The following ADAM12 variants were observed in gnomAD, a reference collection of about 807,000 sequenced individuals.
ADAM12 encodes ADAM metallopeptidase domain 12, also known as disintegrin and metalloproteinase domain-containing protein 12.
In ADAM12, 70 loss-of-function variants were observed where a neutral mutation model predicts 106.4. The ratio of observed to expected loss-of-function variants is 0.66; its 90% confidence interval spans 0.54 to 0.80. ADAM12 has a LOEUF of 0.80. Ranked by LOEUF, ADAM12 falls within the 30% of genes least tolerant of loss-of-function variation. The pLI is 0.00. For missense variants in ADAM12, 1,010 were observed against 1,171.9 expected, an observed-to-expected ratio of 0.86 and a Z score of 2.02; for synonymous variants, 420 against 433.5, an observed-to-expected ratio of 0.97 and a Z score of 0.39.
At chr10:126,216,410 A>G (rs995106599) in intron 3 of ADAM12, among the ~76,000 whole-genome samples, 1 of 152,236 alleles carries the variant, frequency 6.6e-6, no homozygotes, top group African/African-American at 2.4e-5. Context: ...CAGCCTGCTG[A>G]GGCTTGGCCA....
chr10:126,237,098 T>C (rs1958433629), intron 3 of ADAM12, among the ~76,000 whole-genome samples: 1 of 152,198 alleles, frequency 6.6e-6, no homozygotes, highest in Admixed American at 6.5e-5. Context: ...TCTACGTTAA[T>C]TAACATGTTT....
intron 21 of ADAM12, among the ~76,000 whole-genome samples, chr10:126,022,099 G>A (rs539780124): frequency 6.6e-6 from 1 of 152,310 alleles, no homozygotes; most frequent in African/African-American, 2.4e-5. Flanking sequence ...TGGAGAAAAA[G>A]TGAGGTATGT....
At chr10:126,233,696 C>T (rs1475227395) in intron 3 of ADAM12, among the ~76,000 whole-genome samples, 3 of 152,076 alleles carry the variant, frequency 2.0e-5, no homozygotes, top group Admixed American at 6.5e-5. Flanking sequence ...GAGTGCTCTG[C>T]AATTACTGGA....
chr10:126,319,613 T>C (rs546507514), intron 2 of ADAM12, among the ~76,000 whole-genome samples: 1 of 152,210 alleles, frequency 6.6e-6, no homozygotes, highest in South Asian at 2.1e-4. Context: ...GACACGACAC[T>C]GAACACGATA....
intron 11 of ADAM12, among the ~76,000 whole-genome samples, chr10:126,072,940 G>A (rs1436376861): frequency 6.6e-6 from 1 of 152,174 alleles, no homozygotes; most frequent in Non-Finnish European, 1.5e-5. Context: ...TAGACCAGCG[G>A]CCACTTAATG....
At chr10:126,309,378 G>C (rs1397273556) in intron 2 of ADAM12, among the ~76,000 whole-genome samples, 1 of 152,220 alleles carries the variant, frequency 6.6e-6, no homozygotes, top group Non-Finnish European at 1.5e-5. Context: ...CACTTGTTGA[G>C]TCACTGGAGT....
chr10:126,262,663 A>C (rs1213920229), intron 3 of ADAM12, among the ~76,000 whole-genome samples: 1 of 152,236 alleles, frequency 6.6e-6, no homozygotes, highest in Non-Finnish European at 1.5e-5. Flanking sequence ...TGGCTTAAAA[A>C]ATAGGACATA....
At chr10:126,343,916 T>C (rs187967822) in intron 1 of ADAM12, among the ~76,000 whole-genome samples, 1 of 152,388 alleles carries the variant, frequency 6.6e-6, no homozygotes, top group East Asian at 1.9e-4. Context: ...AGATTCTGCA[T>C]ATTAGCCCTT....
chr10:126,251,455 T>TGGATGGATG (rs1157671190), intron 3 of ADAM12, among the ~76,000 whole-genome samples: 1 of 145,252 alleles, frequency 6.9e-6, no homozygotes, highest in Non-Finnish European at 1.5e-5. Context: ...GATAGATGGA[T>TGGATGGATG]GGATGGATGG....
chr10:126,131,984 T>G (rs1385354374), intron 5 of ADAM12, among the ~76,000 whole-genome samples: 2 of 148,834 alleles, frequency 1.3e-5, no homozygotes, highest in Admixed American at 1.3e-4. Flanking sequence ...TTCGTGTTTT[T>G]TTTTTTTTTT....
At chr10:126,253,608 GA>G (rs1308750416) in intron 3 of ADAM12, among the ~76,000 whole-genome samples, 1 of 152,192 alleles carries the variant, frequency 6.6e-6, no homozygotes, top group African/African-American at 2.4e-5. Context: ...CTTGGGCTAA[GA>G]GGGGGAACAC....
intron 16 of ADAM12, among the ~76,000 whole-genome samples, chr10:126,048,626 A>G (rs1346860070): frequency 6.6e-6 from 1 of 151,418 alleles, no homozygotes; most frequent in Non-Finnish European, 1.5e-5. Context: ...AAAACATTGT[A>G]TTCGCTTGCT....
chr10:126,036,993 A>C (rs1230314292), intron 20 of ADAM12, among the ~76,000 whole-genome samples: 1 of 152,190 alleles, frequency 6.6e-6, no homozygotes, highest in East Asian at 1.9e-4. Context: ...GAATGCATCC[A>C]TCACCCCAAA....
At chr10:126,300,267 C>T (rs1270601530) in intron 2 of ADAM12, among the ~76,000 whole-genome samples, 1 of 152,136 alleles carries the variant, frequency 6.6e-6, no homozygotes, top group Admixed American at 6.5e-5. Flanking sequence ...AGGAAGGAGG[C>T]TACCACTTTG....
At chr10:126,342,845 C>T (rs1024210415) in intron 1 of ADAM12, among the ~76,000 whole-genome samples, 3 of 151,260 alleles carry the variant, frequency 2.0e-5, no homozygotes, top group Non-Finnish European at 4.4e-5. Flanking sequence ...TTTCTCCTTT[C>T]GGCGTCTGAT....
In ADAM12 at chr10:126,268,584, A is replaced by G. The variant is rs577842536; in HGVS notation, c.260+10331T>C. On this transcript the variant is annotated intron_variant, in intron 3 of 22. Transcript: ENST00000448723. The stretch of plus-strand genomic sequence containing the variant: ...TACAGTTACGTTGCAGCTCTTTGTC[A>G]TCACTAATGAACTGTGAAAACAATA... Among the ~76,000 whole-genome samples the G allele has an allele frequency of 7.9e-5, 12 of 152,340 alleles. No homozygotes were observed. The South Asian group carries it at 2.3e-3, about 29-fold the overall frequency.
chr10:126,353,169 G>A (rs1282037327), intron 1 of ADAM12, among the ~76,000 whole-genome samples: 1 of 152,206 alleles, frequency 6.6e-6, no homozygotes, highest in Non-Finnish European at 1.5e-5. Context: ...CACCCTATGA[G>A]TGGAGACTTG....
intron 13 of ADAM12, among the ~76,000 whole-genome samples, chr10:126,065,529 GAGA>G (rs1267296318): frequency 1.3e-5 from 2 of 152,136 alleles, no homozygotes; most frequent in Non-Finnish European, 2.9e-5. Flanking sequence ...GGAAGAACAG[GAGA>G]AGAACAAGGG....
At chr10:126,304,612 T>G (rs1960764667) in intron 2 of ADAM12, among the ~76,000 whole-genome samples, 1 of 152,100 alleles carries the variant, frequency 6.6e-6, no homozygotes, top group African/African-American at 2.4e-5. Flanking sequence ...TACTATTTGA[T>G]AAATTGGACT....
Sources: allele counts gnomAD v4.1 joint callset (sites outside exome capture counted in the v4.1 genomes callset), GRCh38; gene constraint gnomAD v4.1.1; transcripts MANE v1.5; gene names NCBI Gene and HGNC (gene_info 2026-07-23, HGNC 2026-07-21).